The following CHD6 variants were observed in gnomAD, a reference collection of about 807,000 sequenced individuals.
CHD6 encodes chromodomain helicase DNA binding protein 6.
In CHD6, 50 loss-of-function variants were observed where a neutral mutation model predicts 276.9. The observed-to-expected ratio is 0.18, with a 90% CI of 0.14 to 0.23. The LOEUF is 0.23. CHD6 is among the 10% of genes least tolerant of loss of function. The pLI, the probability that CHD6 is intolerant of heterozygous loss-of-function variation, is 1.00. For missense variants in CHD6, 2,564 were observed against 3,365.8 expected (o/e 0.76, Z 5.89); for synonymous variants, 1,173 against 1,229.3 (o/e 0.95, Z 0.96).
chr20:41,460,264 G>A (rs2048502242), intron 17 of CHD6, among the ~76,000 whole-genome samples: 1 of 152,214 alleles, frequency 6.6e-6, no homozygotes. Context: ...AAAATTTGCA[G>A]CCTGACTATG....
At chr20:41,466,914 C>T (rs1202642980) in intron 17 of CHD6, among the ~76,000 whole-genome samples, 1 of 152,168 alleles carries the variant, frequency 6.6e-6, no homozygotes, top group Non-Finnish European at 1.5e-5. Flanking sequence ...AGATATGTGC[C>T]AAAGTTCTGC....
intron 1 of CHD6, among the ~76,000 whole-genome samples, chr20:41,615,056 T>TATTAA (rs1404421618): frequency 1.3e-5 from 2 of 152,158 alleles, no homozygotes; most frequent in Admixed American, 6.5e-5. Context: ...AATACAACAG[T>TATTAA]ACGCTTGAGC....
intron 30 of CHD6, among the ~76,000 whole-genome samples, chr20:41,423,145 A>G (rs1463245687): frequency 2.0e-5 from 3 of 152,256 alleles, no homozygotes; most frequent in African/African-American, 7.2e-5. Context: ...AATCTAAGGA[A>G]GGTGCAAAGT....
At chr20:41,411,501 C>T (rs2046839363) in intron 36 of CHD6, among the ~76,000 whole-genome samples, 1 of 152,154 alleles carries the variant, frequency 6.6e-6, no homozygotes, top group African/African-American at 2.4e-5. Context: ...AGGCTAAAAG[C>T]ACATTTATGT....
intron 6 of CHD6, 125 bp downstream of exon 6, chr20:41,499,170 C>T (rs2043770114): frequency 1.5e-6 from 1 of 655,330 alleles, no homozygotes; most frequent in Admixed American, 3.1e-5. Flanking sequence ...GCTAGCCAGA[C>T]AATATTCTTG....
At chr20:41,609,171 T>G (rs2425463) in intron 1 of CHD6, among the ~76,000 whole-genome samples, 14,984 of 152,180 alleles carry the variant, frequency 0.098, 976 homozygotes, top group Non-Finnish European at 0.14. Context: ...CCCAGAGAGC[T>G]GGGTGCAGTG....
At chr20:41,616,020 G>A (rs1160923162) in intron 1 of CHD6, among the ~76,000 whole-genome samples, 6 of 152,172 alleles carry the variant, frequency 3.9e-5, no homozygotes, top group Non-Finnish European at 8.8e-5. Flanking sequence ...GGCTTCTAAT[G>A]AGATATGATT....
At position 41,514,332 on chromosome 20, in the gene CHD6, C is replaced by T. The variant is rs145164169; in HGVS notation, c.702+473G>A. 6.4e-3 allele frequency among the ~76,000 whole-genome samples: 978 copies of T among 152,312 alleles called. 11 individuals are homozygous for T. Among genetic ancestry groups the T allele is most frequent in the Middle Eastern group, 0.024 (7 of 294 alleles). On this transcript the variant is annotated intron_variant, in intron 4 of 36. Coordinates refer to ENST00000373233, the MANE Select transcript of CHD6 (RefSeq NM_032221.5). Reference sequence around the variant, plus strand: ...TCACGGGCACATTTTGGTATATTTTCAGGAATCTGGTTTAGATGGGCAACT... The same window carrying T: ...TCACGGGCACATTTTGGTATATTTTTAGGAATCTGGTTTAGATGGGCAACT...
chr20:41,527,498 G>T (rs1219804664), intron 3 of CHD6, among the ~76,000 whole-genome samples: 1 of 152,062 alleles, frequency 6.6e-6, no homozygotes, highest in African/African-American at 2.4e-5. Flanking sequence ...TAAAGAGCTG[G>T]CTACAGACCT....
chr20:41,448,053 A>T (rs2048123874), intron 23 of CHD6, 82 bp from the exon 24 acceptor site: 3 of 717,700 alleles, frequency 4.2e-6, no homozygotes, highest in Non-Finnish European at 4.6e-6. Context: ...AACACTGGGA[A>T]ATTCTGGGCA....
chr20:41,585,950 G>C (rs534922819), intron 1 of CHD6, among the ~76,000 whole-genome samples: 6 of 152,124 alleles, frequency 3.9e-5, no homozygotes, highest in African/African-American at 7.2e-5. Flanking sequence ...CTTTAAACAC[G>C]GGGCTTATAA....
chr20:41,503,657 G>C (rs1204104059), intron 5 of CHD6, among the ~76,000 whole-genome samples: 1 of 152,098 alleles, frequency 6.6e-6, no homozygotes, highest in Non-Finnish European at 1.5e-5. Flanking sequence ...TCCTGCTTTA[G>C]AGTTATCTGA....
chr20:41,555,334 C>G (rs551420965), intron 1 of CHD6, among the ~76,000 whole-genome samples: 1 of 144,886 alleles, frequency 6.9e-6, no homozygotes, highest in East Asian at 2.1e-4. Context: ...CCTCACCTCC[C>G]GGACGGGGCG....
Position 41,415,596 on chromosome 20 carries a change from G to A in CHD6, c.6529C>T (p.His2177Tyr), listed in dbSNP as rs764477921. 3 of 1,610,178 alleles carry A rather than the reference G, an allele frequency of 1.9e-6. No homozygotes were observed. In the East Asian group the frequency reaches 6.7e-5, roughly 36 times the overall value. ...ACCTCAAACTCATAGGGACGCCTGTGCTTTTGTTCATCCTTTGTGAATACT... is the reference window on the plus strand; with the variant it reads ...ACCTCAAACTCATAGGGACGCCTGTACTTTTGTTCATCCTTTGTGAATACT... Reference protein sequence around the residue: ...APVFTKDEQKHRRPYEFEVER... With the variant: ...APVFTKDEQKYRRPYEFEVER... Residue 2177 changes from histidine to tyrosine, a missense_variant, in exon 34 of 37, where the codon CAC (histidine) becomes TAC (tyrosine). His to Tyr is a moderately conservative substitution (Grantham distance 83, BLOSUM62 2). Coordinates refer to ENST00000373233, the MANE Select transcript of CHD6 (RefSeq NM_032221.5).
intron 2 of CHD6, among the ~76,000 whole-genome samples, chr20:41,545,559 T>C (rs1227279289): frequency 6.6e-6 from 1 of 152,130 alleles, no homozygotes; most frequent in African/African-American, 2.4e-5. Context: ...AAGTAAATTA[T>C]TCACTCAACC....
intron 1 of CHD6, among the ~76,000 whole-genome samples, chr20:41,572,666 C>CTA (rs2045430875): frequency 6.6e-6 from 1 of 152,166 alleles, no homozygotes; most frequent in Non-Finnish European, 1.5e-5. Context: ...TTCTGCATGC[C>CTA]TACCCATCAG....
chr20:41,467,872 C>CTCAAAAG (rs2042963312), intron 17 of CHD6, among the ~76,000 whole-genome samples: 1 of 151,812 alleles, frequency 6.6e-6, no homozygotes, highest in African/African-American at 2.4e-5. Context: ...AGGAACGTGA[C>CTCAAAAG]TCATTCTATT....
chr20:41,506,986 C>G (rs929769115), intron 5 of CHD6, among the ~76,000 whole-genome samples: 2 of 152,152 alleles, frequency 1.3e-5, no homozygotes, highest in African/African-American at 4.8e-5. Flanking sequence ...AGAAGAGGCT[C>G]TGGAAATGAT....
chr20:41,514,403 T>C (rs929917442), intron 4 of CHD6, among the ~76,000 whole-genome samples: 5 of 152,204 alleles, frequency 3.3e-5, no homozygotes, highest in African/African-American at 1.2e-4. Context: ...GTTGGCATAA[T>C]GGATACATTT....
Sources: allele counts gnomAD v4.1 joint callset (sites outside exome capture counted in the v4.1 genomes callset), GRCh38; gene constraint gnomAD v4.1.1; transcripts MANE v1.5; gene names NCBI Gene and HGNC (gene_info 2026-07-23, HGNC 2026-07-21).